Variants in SYNJ2 observed in about 807,000 individuals in gnomAD.
SYNJ2 encodes the protein synaptojanin 2, also known as polyphosphatidylinositol phosphatase SYNJ2.
SYNJ2 carries 116 observed loss-of-function variants against 141.3 expected under a neutral mutation model. That is an observed-to-expected ratio of 0.82 (90% CI 0.71 to 0.96). SYNJ2 has a LOEUF of 0.96. Ranked by LOEUF, SYNJ2 falls within the 40% of genes least tolerant of loss-of-function variation. The probability of loss-of-function intolerance (pLI) is 0.00; values close to 1 mark genes in which losing one functional copy is unlikely to be tolerated. For missense variants in SYNJ2, 1,873 were observed against 1,934.8 expected (o/e 0.97, Z 0.60); for synonymous variants, 745 against 777.7 (o/e 0.96, Z 0.70).
At chr6:158,046,980 G>A (rs1278204268) in intron 5 of SYNJ2, among the ~76,000 whole-genome samples, 1 of 152,122 alleles carries the variant, frequency 6.6e-6, no homozygotes, top group Non-Finnish European at 1.5e-5. Flanking sequence ...CCAAACGGAG[G>A]AGGATGCCGA....
Position 158,061,622 on chromosome 6 carries a change from A to G in SYNJ2, c.955-370A>G, listed in dbSNP as rs1448555372. The stretch of plus-strand genomic sequence containing the variant: ...CTCTGCAGCCTGCCACAGCACTGCT[A>G]TCTCTGAGGGCCTGGGGCACCTGGG... On this transcript the variant is annotated intron_variant, in intron 7 of 26. Coordinates refer to ENST00000355585, the MANE Select transcript of SYNJ2 (RefSeq NM_003898.4). Among the ~76,000 whole-genome samples, 3 of 152,232 alleles carry G rather than the reference A, an allele frequency of 2.0e-5. No homozygotes were observed. The East Asian group carries it at 5.8e-4, about 30-fold the overall frequency.
intron 5 of SYNJ2, among the ~76,000 whole-genome samples, chr6:158,048,749 G>A (rs935160511): frequency 2.6e-5 from 4 of 152,084 alleles, no homozygotes; most frequent in African/African-American, 9.7e-5. Context: ...TTGGTTTGTA[G>A]CATTTGTCCA....
Position 158,076,713 on chromosome 6 carries a change from A to G in SYNJ2, c.2380A>G (p.Lys794Glu). 6.2e-7 allele frequency: 1 copy of G among 1,614,222 alleles called. No individual in the cohort carries two copies. Among genetic ancestry groups the G allele is most frequent in the Non-Finnish European group, 8.5e-7 (1 of 1,180,028 alleles). ...CTCAGCCGCCTACGATACAAGCGAC[A>G]AATGCCGCACCCCCGCCTGGACAGA... Reference protein sequence around the residue: ...VGSAAYDTSDKCRTPAWTDRV... With the variant: ...VGSAAYDTSDECRTPAWTDRV... Residue 794 changes from lysine (K) to glutamate (E), a missense_variant, in exon 17 of 27, where the codon AAA becomes GAA. Coordinates refer to ENST00000355585, the MANE Select transcript of SYNJ2 (RefSeq NM_003898.4).
intron 1 of SYNJ2, among the ~76,000 whole-genome samples, chr6:157,995,120 A>G (rs1347839222): frequency 6.6e-6 from 1 of 152,246 alleles, no homozygotes; most frequent in Non-Finnish European, 1.5e-5. Context: ...CCCTTAAAAC[A>G]TAAAGCAAGT....
chr6:158,087,088 C>T, intron 23 of SYNJ2, 99 bp downstream of exon 23: 1 of 1,402,722 alleles, frequency 7.1e-7, no homozygotes, highest in Non-Finnish European at 9.7e-7. Context: ...TTCTCCCCGG[C>T]CTTCCGGTCC....
At chr6:158,074,934 T>C (rs764126647) in intron 16 of SYNJ2, among the ~76,000 whole-genome samples, 196 bp downstream of exon 16, 27,155 of 148,132 alleles carry the variant, frequency 0.18, 2,833 homozygotes, top group East Asian at 0.27. Context: ...TTTTTTTTTT[T>C]TTTTTTTTTT....
intron 5 of SYNJ2, among the ~76,000 whole-genome samples, chr6:158,051,801 A>AG (rs1231183483): frequency 2.6e-5 from 4 of 151,508 alleles, no homozygotes; most frequent in Non-Finnish European, 5.9e-5. Flanking sequence ...ACAAAAAAAA[A>AG]AAAAAATAGC....
At chr6:158,067,858 C>A (rs1781659256) in intron 12 of SYNJ2, 4 of 985,316 alleles carry the variant, frequency 4.1e-6, no homozygotes, top group Non-Finnish European at 3.6e-6. Context: ...ATTCAGGATG[C>A]CCTCCGGAGC....
intron 2 of SYNJ2, among the ~76,000 whole-genome samples, chr6:158,024,044 GC>G (rs1430091440): frequency 1.3e-5 from 2 of 152,200 alleles, no homozygotes; most frequent in African/African-American, 4.8e-5. Flanking sequence ...TAGAATTGGT[GC>G]AGAACCTACT....
At chr6:158,065,987 G>A (rs1420798056) in intron 11 of SYNJ2, among the ~76,000 whole-genome samples, 1 of 152,234 alleles carries the variant, frequency 6.6e-6, no homozygotes. Flanking sequence ...GAAGGCAGAG[G>A]ATGCAAAGGT....
In SYNJ2 at chr6:158,069,637, A is replaced by G; in HGVS notation, c.1904A>G (p.Tyr635Cys). The stretch of plus-strand genomic sequence containing the variant: ...GCACAGCTGGTGGGCGTCTGTCTTT[A>G]TATCTTTGTACGTCCATACCATGTC... Reference protein sequence around the residue: ...TSAQLVGVCLYIFVRPYHVPF... With the variant: ...TSAQLVGVCLCIFVRPYHVPF... Residue 635 changes from tyrosine to cysteine, a missense_variant, in exon 14 of 27, where the codon TAT becomes TGT. Transcript: ENST00000355585. 6.2e-7 allele frequency: 1 copy of G among 1,613,972 alleles called. No homozygotes were observed. Among genetic ancestry groups the G allele is most frequent in the Non-Finnish European group, 8.5e-7 (1 of 1,179,902 alleles).
At chr6:158,085,027 T>C (rs1439672838) in intron 22 of SYNJ2, among the ~76,000 whole-genome samples, 1 of 150,506 alleles carries the variant, frequency 6.6e-6, no homozygotes, top group Admixed American at 6.6e-5. Flanking sequence ...AATACAACTT[T>C]TTTTTTTTTT....
At position 158,037,494 on chromosome 6, in the gene SYNJ2, C is replaced by T. The variant is rs921896097; in HGVS notation, c.711+3814C>T. Reference sequence around the variant, plus strand: ...TCGGCTCACTGCAAGCTCTGCCTCCCGGGTTCACACCATTCTCCTGCCTCA... The same window carrying T: ...TCGGCTCACTGCAAGCTCTGCCTCCTGGGTTCACACCATTCTCCTGCCTCA... On this transcript the variant is annotated intron_variant, in intron 4 of 26. Transcript: ENST00000355585. Among the ~76,000 whole-genome samples the T allele has an allele frequency of 4.6e-5, 7 of 151,294 alleles. No individual in the cohort carries two copies. In the South Asian group the frequency reaches 6.3e-4, roughly 14 times the overall value.
At chr6:158,086,701 C>G (rs573931296) in intron 22 of SYNJ2, among the ~76,000 whole-genome samples, 154 bp from the exon 23 acceptor site, 1 of 150,784 alleles carries the variant, frequency 6.6e-6, no homozygotes, top group African/African-American at 2.4e-5. Context: ...CCCCGCCCCT[C>G]GCCGGCAGAC....
chr6:157,985,772 C>T (rs562963353), intron 1 of SYNJ2, among the ~76,000 whole-genome samples: 3 of 152,222 alleles, frequency 2.0e-5, no homozygotes, highest in South Asian at 4.1e-4. Flanking sequence ...TGAGTGAAGT[C>T]GTGCCTCCTG....
chr6:158,058,255 C>T (rs1033114094), intron 6 of SYNJ2, among the ~76,000 whole-genome samples: 5 of 152,132 alleles, frequency 3.3e-5, no homozygotes, highest in African/African-American at 1.2e-4. Flanking sequence ...AAAGATTGCA[C>T]CATTAAACGA....
chr6:157,996,287 T>C (rs553291959), intron 1 of SYNJ2, among the ~76,000 whole-genome samples: 9 of 152,006 alleles, frequency 5.9e-5, no homozygotes, highest in African/African-American at 1.9e-4. Flanking sequence ...CCAAAACAGA[T>C]GGTGAATCCC....
chr6:158,089,968 AG>A, intron 25 of SYNJ2, 21 bp downstream of exon 25: 1 of 1,565,576 alleles, frequency 6.4e-7, no homozygotes. Flanking sequence ...TCCTGGGGGC[AG>A]GGGAAAAACC....
intron 5 of SYNJ2, among the ~76,000 whole-genome samples, chr6:158,052,497 G>C (rs1396967074): frequency 2.0e-5 from 3 of 152,226 alleles, no homozygotes; most frequent in Non-Finnish European, 4.4e-5. Flanking sequence ...GCCAGCATCT[G>C]CTTCTGGGGA....
Sources: allele counts gnomAD v4.1 joint callset (sites outside exome capture counted in the v4.1 genomes callset), GRCh38; gene constraint gnomAD v4.1.1; transcripts MANE v1.5; gene names NCBI Gene and HGNC (gene_info 2026-07-23, HGNC 2026-07-21).